Variants in PLCZ1 observed in about 807,000 individuals in gnomAD.
PLCZ1 encodes 1-phosphatidylinositol 4,5-bisphosphate phosphodiesterase zeta-1.
PLCZ1 carries 64 observed loss-of-function variants against 76.8 expected under a neutral mutation model. The observed-to-expected ratio is 0.83, with a 90% CI of 0.68 to 1.03. The LOEUF (loss-of-function observed/expected upper bound fraction) is 1.03, where lower values mean the gene tolerates loss of function less well. Among genes scored for constraint, PLCZ1 ranks in the 50% least tolerant of loss-of-function variants. The pLI, the probability that PLCZ1 is intolerant of heterozygous loss-of-function variation, is 0.00. For missense variants in PLCZ1, 751 were observed against 713.7 expected, an observed-to-expected ratio of 1.05 and a Z score of -0.60; for synonymous variants, 248 against 230.8, an observed-to-expected ratio of 1.07 and a Z score of -0.68.
At chr12:18,671,223 G>A in the PLCZ1 span, among the ~76,000 whole-genome samples, 1 of 150,888 alleles carries the variant, frequency 6.6e-6, no homozygotes. Flanking sequence ...AAAAGAAAAA[G>A]TGCTATCTAG....
the PLCZ1 span, among the ~76,000 whole-genome samples, chr12:18,676,459 A>T: frequency 2.9e-3 from 448 of 152,180 alleles, 4 homozygotes; most frequent in African/African-American, 9.9e-3. Flanking sequence ...AAATGCCTGC[A>T]TTTGCCTTGC....
chr12:18,697,605 C>A (rs1955260628), intron 10 of PLCZ1, among the ~76,000 whole-genome samples: 1 of 152,076 alleles, frequency 6.6e-6, no homozygotes, highest in African/African-American at 2.4e-5. Flanking sequence ...AGGAGGACAT[C>A]AAAGAACAAA....
chr12:18,685,525 A>C, intron 13 of PLCZ1: 1 of 326,056 alleles, frequency 3.1e-6, no homozygotes, highest in Non-Finnish European at 6.5e-6. Context: ...TAATTATACT[A>C]TATCTATGTT....
chr12:18,724,175 T>C (rs2150728171), intron 3 of PLCZ1, among the ~76,000 whole-genome samples: 1 of 152,254 alleles, frequency 6.6e-6, no homozygotes, highest in Non-Finnish European at 1.5e-5. Context: ...TGATTAGTTG[T>C]GCATTTCCAA....
At chr12:18,701,076 C>T (rs974339297) in intron 9 of PLCZ1, among the ~76,000 whole-genome samples, 5 of 151,748 alleles carry the variant, frequency 3.3e-5, no homozygotes, top group African/African-American at 1.2e-4. Flanking sequence ...CATCCGCGTC[C>T]CAGGTTCAAG....
the PLCZ1 span, among the ~76,000 whole-genome samples, chr12:18,667,567 T>C: frequency 6.6e-6 from 1 of 152,160 alleles, no homozygotes; most frequent in Non-Finnish European, 1.5e-5. Flanking sequence ...TATTTTTACT[T>C]GAGATCCTTT....
In PLCZ1 at chr12:18,735,971, C is replaced by T. The variant is rs368845500; in HGVS notation, c.135+250G>A. On this transcript the variant is annotated intron_variant, in intron 3 of 14. Transcript: ENST00000266505. ...TATCAGTCTGATATAATTAGACATC[C>T]AATCCTAGGTTTAATGTTAGCATTT... 6.8e-5 allele frequency: 24 copies of T among 352,268 alleles called. 1 individual carries two copies. The highest frequency in any genetic ancestry group is 1.8e-3 in the Middle Eastern group (2 of 1,096). 21.8% of individuals were successfully genotyped at this position (352,268 alleles called of 1,614,324 possible). A position where few individuals can be genotyped will look rare whatever the true frequency, so the allele number is the denominator to read the frequency against.
At chr12:18,737,608 C>A (rs1959526853) in intron 1 of PLCZ1, 99 bp from the exon 2 acceptor site, 1 of 634,044 alleles carries the variant, frequency 1.6e-6, no homozygotes, top group African/African-American at 1.8e-5. Context: ...GATGTGGTAC[C>A]TGCACTACCC....
At chr12:18,685,386 T>G (rs565143561) in intron 13 of PLCZ1, 2 of 171,140 alleles carry the variant, frequency 1.2e-5, no homozygotes, top group Admixed American at 1.1e-4. Context: ...TAAATTCTGC[T>G]TAATAAAGAC....
At chr12:18,701,664 A>G (rs371187190) in intron 8 of PLCZ1, 28 bp downstream of exon 8, 93 of 1,600,510 alleles carry the variant, frequency 5.8e-5, no homozygotes, top group Non-Finnish European at 7.6e-5. Flanking sequence ...TCCATCTGCC[A>G]CTTCTTCTTC....
the PLCZ1 span, among the ~76,000 whole-genome samples, chr12:18,660,330 T>C: frequency 1.3e-5 from 2 of 152,138 alleles, no homozygotes; most frequent in Non-Finnish European, 2.9e-5. Context: ...ATCTGATTGA[T>C]GCTCTGATCA....
intron 6 of PLCZ1, among the ~76,000 whole-genome samples, chr12:18,708,187 C>T (rs529022513): frequency 6.6e-6 from 1 of 152,286 alleles, no homozygotes; most frequent in South Asian, 2.1e-4. Flanking sequence ...CCCCACACCT[C>T]GTTCCTGTCA....
intron 10 of PLCZ1, 129 bp from the exon 11 acceptor site, chr12:18,696,395 C>G (rs1409187106): frequency 9.4e-6 from 2 of 212,438 alleles, no homozygotes; most frequent in African/African-American, 3.0e-5. Context: ...TATGTATTGT[C>G]TTGGCAAAAA....
chr12:18,701,251 C>G (rs2137260602), intron 9 of PLCZ1, among the ~76,000 whole-genome samples: 1 of 152,192 alleles, frequency 6.6e-6, no homozygotes, highest in Admixed American at 6.5e-5. Context: ...TCCCAAAGTG[C>G]TGGGATTACA....
chr12:18,729,737 A>G (rs1231140431), intron 3 of PLCZ1, among the ~76,000 whole-genome samples: 2 of 152,078 alleles, frequency 1.3e-5, no homozygotes, highest in African/African-American at 2.4e-5. Context: ...TTTTTAGTAA[A>G]GGGATTTAAA....
chr12:18,686,760 A>AG (rs1209653743), intron 13 of PLCZ1, among the ~76,000 whole-genome samples: 3 of 152,062 alleles, frequency 2.0e-5, no homozygotes, highest in Admixed American at 2.0e-4. Flanking sequence ...TCTATAGAAG[A>AG]GTTCGTTGGT....
intron 14 of PLCZ1, chr12:18,683,720 T>G (rs1952671518): frequency 4.1e-6 from 4 of 967,712 alleles, no homozygotes; most frequent in Non-Finnish European, 5.8e-6. Context: ...ATAAAGGTAG[T>G]CAGCCCTGAA....
intron 6 of PLCZ1, among the ~76,000 whole-genome samples, chr12:18,705,976 C>T (rs1956555894): frequency 6.6e-6 from 1 of 151,802 alleles, no homozygotes; most frequent in African/African-American, 2.4e-5. Flanking sequence ...CCTGTAATCC[C>T]AGCACTTTGG....
At chr12:18,657,583 A>G in the PLCZ1 span, among the ~76,000 whole-genome samples, 1 of 152,174 alleles carries the variant, frequency 6.6e-6, no homozygotes, top group African/African-American at 2.4e-5. Context: ...TCATTAGCTG[A>G]ACACCACTAA....
Sources: gnomAD v4.1 joint callset for allele counts (sites outside exome capture counted in the v4.1 genomes callset) on GRCh38, gnomAD v4.1.1 for gene constraint, MANE v1.5 for transcripts, NCBI Gene and HGNC (gene_info 2026-07-23, HGNC 2026-07-21) for gene names.